The following TNR variants were observed in gnomAD, a reference collection of about 807,000 sequenced individuals.
The protein encoded by TNR is tenascin R.
A neutral mutation model predicts 150.4 loss-of-function variants in TNR; 45 were observed. The observed-to-expected ratio is 0.30, with a 90% CI of 0.24 to 0.38. The LOEUF is 0.38. Among genes scored for constraint, TNR ranks in the 10% least tolerant of loss-of-function variants. The pLI, the probability that TNR is intolerant of heterozygous loss-of-function variation, is 1.00. For missense variants in TNR, 1,544 were observed against 1,759.1 expected, an observed-to-expected ratio of 0.88 and a Z score of 2.19; for synonymous variants, 687 against 678.4, an observed-to-expected ratio of 1.01 and a Z score of -0.20.
intron 2 of TNR, among the ~76,000 whole-genome samples, chr1:175,491,015 T>C (rs910590994): frequency 1.3e-5 from 2 of 152,228 alleles, no homozygotes; most frequent in Non-Finnish European, 2.9e-5. Flanking sequence ...GTAGTAGGTA[T>C]ATACCGTGGA....
chr1:175,438,784 A>G (rs894942721), intron 2 of TNR, among the ~76,000 whole-genome samples: 7 of 152,218 alleles, frequency 4.6e-5, no homozygotes, highest in Non-Finnish European at 8.8e-5. Flanking sequence ...ATTGCTACAA[A>G]GAGAATAAAA....
intron 20 of TNR, among the ~76,000 whole-genome samples, chr1:175,331,075 T>TC (rs1649819162): frequency 2.5e-5 from 3 of 121,284 alleles, no homozygotes; most frequent in African/African-American, 1.0e-4. Context: ...CTTTCTTTCT[T>TC]TCCTTCTTTC....
intron 1 of TNR, among the ~76,000 whole-genome samples, chr1:175,715,326 T>A (rs1667126154): frequency 6.6e-6 from 1 of 152,198 alleles, no homozygotes; most frequent in African/African-American, 2.4e-5. Context: ...GGCCCATAAA[T>A]GCTAAAATGT....
At chr1:175,670,822 C>T (rs530788673) in intron 1 of TNR, among the ~76,000 whole-genome samples, 11 of 129,530 alleles carry the variant, frequency 8.5e-5, no homozygotes, top group Non-Finnish European at 1.0e-4. Context: ...TTATCAAACG[C>T]TTATACCCTG....
chr1:175,564,954 C>G (rs577552802), intron 1 of TNR, among the ~76,000 whole-genome samples: 1 of 152,228 alleles, frequency 6.6e-6, no homozygotes, highest in Admixed American at 6.5e-5. Flanking sequence ...TCTATCTCCT[C>G]TTTATCTCAG....
chr1:175,503,608 C>G (rs936997027), intron 2 of TNR, among the ~76,000 whole-genome samples: 4 of 152,178 alleles, frequency 2.6e-5, no homozygotes, highest in Non-Finnish European at 5.9e-5. Context: ...CCCGGGCAGG[C>G]AGGTCCTGGC....
chr1:175,602,116 T>A (rs1663260330), intron 1 of TNR, among the ~76,000 whole-genome samples: 1 of 136,614 alleles, frequency 7.3e-6, no homozygotes, highest in Non-Finnish European at 1.5e-5. Flanking sequence ...TTTAAATTGA[T>A]AATATAAATA....
In TNR at chr1:175,665,432, AGAG is replaced by A. The variant is rs1665508114; in HGVS notation, c.-165+77791_-165+77793del. ...GCCCAGAAGGCAGGTGGGTGTGTGA[AGAG>A]GAGGAGGAAGCTGGCACTTTTCTCA... On this transcript the variant is annotated intron_variant, in intron 1 of 22. Coordinates refer to ENST00000367674, the MANE Select transcript of TNR (RefSeq NM_003285.3). 3.3e-5 allele frequency among the ~76,000 whole-genome samples: 5 copies of A among 152,226 alleles called. 1 individual carries two copies. Among genetic ancestry groups the A allele is most frequent in the African/African-American group, 1.2e-4 (5 of 41,550 alleles).
At chr1:175,621,873 G>A (rs1005623852) in intron 1 of TNR, among the ~76,000 whole-genome samples, 2 of 152,226 alleles carry the variant, frequency 1.3e-5, no homozygotes, top group Admixed American at 6.5e-5. Flanking sequence ...ATCGCACAAA[G>A]GTTAAGGGTA....
At position 175,423,949 on chromosome 1, in the gene TNR, G is replaced by A. The variant is rs563102967; in HGVS notation, c.-63-17172C>T. ...CAGCCAAAAGCTATGGGCCTTGGGGGTTAGAATCCCTGCACCAAGGCCCTA... is the reference window on the plus strand; with the variant it reads ...CAGCCAAAAGCTATGGGCCTTGGGGATTAGAATCCCTGCACCAAGGCCCTA... On this transcript the variant is annotated intron_variant, in intron 2 of 22. Coordinates refer to ENST00000367674, the MANE Select transcript of TNR (RefSeq NM_003285.3). Among the ~76,000 whole-genome samples, 23 of 152,222 alleles carry A rather than the reference G, an allele frequency of 1.5e-4. No individual in the cohort carries two copies. In the East Asian group the frequency reaches 3.7e-3, roughly 24 times the overall value.
rs184718706 is a variant in TNR at position 175,714,730 on chromosome 1, G to A, written c.-165+28496C>T. ...AATTACTGGCCCCCAATTCATCAGG[G>A]CCTCAACTGTAATTACTCTGCCTGA... is the stretch of plus-strand genomic sequence containing the variant. On this transcript the variant is annotated intron_variant, in intron 1 of 22. Coordinates refer to ENST00000367674, the MANE Select transcript of TNR (RefSeq NM_003285.3). 3.3e-5 allele frequency among the ~76,000 whole-genome samples: 5 copies of A among 152,272 alleles called. No homozygotes were observed. In the East Asian group the frequency reaches 9.6e-4, roughly 29 times the overall value.
chr1:175,667,563 G>T (rs1383461166), intron 1 of TNR, among the ~76,000 whole-genome samples: 1 of 152,196 alleles, frequency 6.6e-6, no homozygotes, highest in Non-Finnish European at 1.5e-5. Context: ...TGATTGGGGA[G>T]GCATACAAGT....
chr1:175,361,463 C>T (rs1651584518), intron 14 of TNR, among the ~76,000 whole-genome samples: 1 of 152,106 alleles, frequency 6.6e-6, no homozygotes, highest in East Asian at 1.9e-4. Flanking sequence ...AACTGAATGG[C>T]TGTGTTATCT....
At chr1:175,577,882 T>C (rs1184163443) in intron 1 of TNR, among the ~76,000 whole-genome samples, 2 of 152,190 alleles carry the variant, frequency 1.3e-5, no homozygotes, top group Admixed American at 6.5e-5. Flanking sequence ...ATGCCATTGC[T>C]CATGCAGATA....
rs118109466 is a variant in TNR, at chr1:175,524,889, C to T, written c.-64+3380G>A. On this transcript the variant is annotated intron_variant, in intron 2 of 22. Transcript: ENST00000367674. ...AGCCTTGTCACAATGGCACAGAATG[C>T]TTAATTTCCTGAGATGTGGGTAGGC... is the stretch of plus-strand genomic sequence containing the variant. Among the ~76,000 whole-genome samples the T allele has an allele frequency of 9.4e-4, 143 of 152,276 alleles. 1 individual carries two copies. The East Asian group carries it at 0.021, about 23-fold the overall frequency.
intron 2 of TNR, among the ~76,000 whole-genome samples, chr1:175,501,519 A>T (rs1254866221): frequency 6.6e-6 from 1 of 152,222 alleles, no homozygotes; most frequent in South Asian, 2.1e-4. Context: ...GCCTGGGCAG[A>T]GGACCCAGCT....
chr1:175,689,762 G>A (rs1459509571), intron 1 of TNR, among the ~76,000 whole-genome samples: 2 of 152,114 alleles, frequency 1.3e-5, no homozygotes, highest in Non-Finnish European at 2.9e-5. Context: ...AGACAGGGAG[G>A]GGTGAGGGAA....
intron 8 of TNR, among the ~76,000 whole-genome samples, chr1:175,383,358 C>G (rs150866562): frequency 1.3e-5 from 2 of 152,306 alleles, no homozygotes; most frequent in East Asian, 3.9e-4. Flanking sequence ...TCTGGTTGAC[C>G]AGATGCCCTG....
intron 7 of TNR, among the ~76,000 whole-genome samples, chr1:175,390,276 G>A (rs1653112084): frequency 1.3e-5 from 2 of 152,208 alleles, no homozygotes; most frequent in Non-Finnish European, 2.9e-5. Context: ...GGTCAACTCA[G>A]CCTTTTGTCC....
Sources: gnomAD v4.1 joint callset for allele counts (sites outside exome capture counted in the v4.1 genomes callset) on GRCh38, gnomAD v4.1.1 for gene constraint, MANE v1.5 for transcripts, NCBI Gene and HGNC (gene_info 2026-07-23, HGNC 2026-07-21) for gene names.